The following LSAMP variants were observed in gnomAD, a reference collection of about 807,000 sequenced individuals.
LSAMP encodes the protein limbic system associated membrane protein.
A neutral mutation model predicts 38.6 loss-of-function variants in LSAMP; 7 were observed. The ratio of observed to expected loss-of-function variants is 0.18; its 90% CI spans 0.10 to 0.34. The LOEUF is 0.34. Ranked by LOEUF, LSAMP falls within the 10% of genes least tolerant of loss-of-function variation. The probability of loss-of-function intolerance (pLI) is 1.00; values close to 1 mark genes in which losing one functional copy is unlikely to be tolerated. For synonymous variants in LSAMP, 154 were observed against 166.8 expected (o/e 0.92, Z 0.59); for missense variants, 313 against 420.0 (o/e 0.75, Z 2.23).
chr3:116,307,108 A>G (rs1473643525), intron 1 of LSAMP, among the ~76,000 whole-genome samples: 1 of 152,052 alleles, frequency 6.6e-6, no homozygotes, highest in Non-Finnish European at 1.5e-5. Flanking sequence ...GAAGCTTAAT[A>G]CTTTAAATTG....
intron 1 of LSAMP, among the ~76,000 whole-genome samples, chr3:116,169,223 A>C (rs1023765326): frequency 2.6e-5 from 4 of 152,120 alleles, no homozygotes; most frequent in Non-Finnish European, 4.4e-5. Flanking sequence ...TAGATAAATA[A>C]ATAGCTCTGC....
At chr3:116,417,299 C>T (rs1318757652) in intron 1 of LSAMP, among the ~76,000 whole-genome samples, 2 of 152,170 alleles carry the variant, frequency 1.3e-5, no homozygotes, top group South Asian at 2.1e-4. Flanking sequence ...GATTCCATTG[C>T]ACATTTAACA....
At chr3:115,870,571 T>C (rs12487477) in intron 3 of LSAMP, among the ~76,000 whole-genome samples, 28,835 of 152,078 alleles carry the variant, frequency 0.19, 3,534 homozygotes, top group African/African-American at 0.33. Flanking sequence ...TAATCCATTA[T>C]GTCTAGGGCA....
At chr3:116,401,235 T>C (rs1402365672) in intron 1 of LSAMP, among the ~76,000 whole-genome samples, 1 of 152,182 alleles carries the variant, frequency 6.6e-6, no homozygotes, top group Non-Finnish European at 1.5e-5. Context: ...CCAGGCTGTA[T>C]TCAACATCTG....
intron 3 of LSAMP, among the ~76,000 whole-genome samples, chr3:116,017,657 A>T (rs1940521543): frequency 6.6e-6 from 1 of 152,172 alleles, no homozygotes; most frequent in South Asian, 2.1e-4. Context: ...CAGTCAAACA[A>T]TAAAGGACAT....
chr3:116,358,656 T>A (rs1278623085), intron 1 of LSAMP, among the ~76,000 whole-genome samples: 1 of 152,194 alleles, frequency 6.6e-6, no homozygotes, highest in East Asian at 1.9e-4. Flanking sequence ...TATGACTGAT[T>A]TACTAGATGA....
At chr3:115,838,120 A>G (rs1019590757) in intron 6 of LSAMP, 2 of 152,276 alleles carry the variant, frequency 1.3e-5, no homozygotes, top group South Asian at 4.1e-4. Context: ...ATGAATAGCC[A>G]CTGCACTCCA....
intron 1 of LSAMP, among the ~76,000 whole-genome samples, chr3:116,168,493 GATT>G (rs1477489699): frequency 6.6e-6 from 1 of 152,194 alleles, no homozygotes; most frequent in Non-Finnish European, 1.5e-5. Context: ...ATTTTAATGA[GATT>G]ATTTTGATGT....
At chr3:116,011,302 G>A (rs1576305436) in intron 3 of LSAMP, among the ~76,000 whole-genome samples, 2 of 152,184 alleles carry the variant, frequency 1.3e-5, no homozygotes, top group South Asian at 2.1e-4. Context: ...GTTCCTTCCT[G>A]GAGGAAGTGT....
chr3:115,994,757 A>G (rs4611819), intron 3 of LSAMP, among the ~76,000 whole-genome samples: 64,265 of 151,906 alleles, frequency 0.42, 14,468 homozygotes, highest in African/African-American at 0.59. Context: ...AGGTGCCTTC[A>G]CTTTTCTTTT....
chr3:116,432,694 C>CA (rs1381971696), intron 1 of LSAMP, among the ~76,000 whole-genome samples: 14 of 151,984 alleles, frequency 9.2e-5, no homozygotes, highest in Non-Finnish European at 1.6e-4. Context: ...GCTTATAAGA[C>CA]AAGTAGGAGT....
chr3:115,930,704 AG>A (rs1937567490), intron 3 of LSAMP, among the ~76,000 whole-genome samples: 1 of 152,186 alleles, frequency 6.6e-6, no homozygotes, highest in Admixed American at 6.5e-5. Context: ...AGTGCAGTAA[AG>A]CACTTCGTTA....
chr3:116,020,933 G>T (rs1940620509), intron 2 of LSAMP, among the ~76,000 whole-genome samples: 1 of 152,070 alleles, frequency 6.6e-6, no homozygotes. Flanking sequence ...GTGTAGTGAC[G>T]AATAAAACAG....
intron 1 of LSAMP, among the ~76,000 whole-genome samples, chr3:116,276,272 T>C (rs2047050682): frequency 1.3e-5 from 2 of 152,002 alleles, no homozygotes; most frequent in Non-Finnish European, 2.9e-5. Flanking sequence ...GCCTCTGAAA[T>C]CCTCAAAAAC....
chr3:116,105,563 C>T (rs1003740927), intron 1 of LSAMP, among the ~76,000 whole-genome samples: 1 of 151,790 alleles, frequency 6.6e-6, no homozygotes, highest in Non-Finnish European at 1.5e-5. Context: ...GCGGGGGTCA[C>T]AAGGTGCTCA....
intron 1 of LSAMP, among the ~76,000 whole-genome samples, chr3:116,285,907 G>T (rs2047188973): frequency 6.6e-6 from 1 of 152,184 alleles, no homozygotes; most frequent in Admixed American, 6.5e-5. Flanking sequence ...CCACTCCAGG[G>T]TAGTTTCATT....
chr3:115,875,852 C>A lies in LSAMP; in HGVS notation c.515-23235G>T, dbSNP rs1295798642. Reference sequence around the variant, plus strand: ...TTGAAATAACTTTTAAAAATGTGATCCTGAATGAGCTCTATACAACAATAT... The same window carrying A: ...TTGAAATAACTTTTAAAAATGTGATACTGAATGAGCTCTATACAACAATAT... On this transcript the variant is annotated intron_variant, in intron 3 of 6. Coordinates refer to ENST00000490035, the MANE Select transcript of LSAMP (RefSeq NM_002338.5). Among the ~76,000 whole-genome samples the A allele has an allele frequency of 6.6e-5, 10 of 152,130 alleles. No homozygotes were observed. The East Asian group carries it at 1.9e-3, about 29-fold the overall frequency.
intron 1 of LSAMP, among the ~76,000 whole-genome samples, chr3:116,439,376 TTGTAGTATCC>T (rs1353576909): frequency 1.3e-5 from 2 of 151,358 alleles, no homozygotes; most frequent in East Asian, 3.9e-4. Flanking sequence ...TGGATCACAC[TTGTAGTATCC>T]TGTAGTATCA....
chr3:116,087,893 A>C (rs1708027369), intron 1 of LSAMP, among the ~76,000 whole-genome samples: 1 of 150,864 alleles, frequency 6.6e-6, no homozygotes, highest in South Asian at 2.1e-4. Flanking sequence ...ATTTAGAGGG[A>C]GATTTTTTTT....
Sources: gnomAD v4.1 joint callset for allele counts (sites outside exome capture counted in the v4.1 genomes callset) on GRCh38, gnomAD v4.1.1 for gene constraint, MANE v1.5 for transcripts, NCBI Gene and HGNC (gene_info 2026-07-23, HGNC 2026-07-21) for gene names.